Variants in KCNMB4 observed in about 807,000 individuals in gnomAD.
KCNMB4 encodes the protein calcium-activated potassium channel subunit beta-4.
A neutral mutation model predicts 20.7 loss-of-function variants in KCNMB4; 3 were observed. The ratio of observed to expected loss-of-function variants is 0.14; its 90% CI spans 0.07 to 0.37. The LOEUF (loss-of-function observed/expected upper bound fraction) is 0.37. Among genes scored for constraint, KCNMB4 ranks in the 10% least tolerant of loss-of-function variants. The pLI is 1.00. For missense variants in KCNMB4, 168 were observed against 265.9 expected (o/e 0.63, Z 2.56); for synonymous variants, 110 against 113.4 (o/e 0.97, Z 0.19).
At chr12:70,386,215 G>A (rs1868254997) in intron 1 of KCNMB4, among the ~76,000 whole-genome samples, 1 of 152,088 alleles carries the variant, frequency 6.6e-6, no homozygotes, top group Non-Finnish European at 1.5e-5. Context: ...CATCTTGTAA[G>A]TCTGAGGCAT....
In KCNMB4 at chr12:70,430,665, G is replaced by A. The variant is rs747205444; in HGVS notation, c.*12G>A. On this transcript the variant is annotated 3_prime_UTR_variant, in exon 3 of 3. Coordinates refer to ENST00000258111, the MANE Select transcript of KCNMB4 (RefSeq NM_014505.6). Reference sequence around the variant, plus strand: ...GCAAGTTCTCTTAAAGGGGAAGGAGGCTTGTAGAAAGCAAAGTACAGAAGC... The same window carrying A: ...GCAAGTTCTCTTAAAGGGGAAGGAGACTTGTAGAAAGCAAAGTACAGAAGC... 2.5e-6 allele frequency: 4 copies of A among 1,597,566 alleles called. No homozygotes were observed. The highest frequency in any genetic ancestry group is 3.4e-6 in the Non-Finnish European group (4 of 1,175,380).
intron 1 of KCNMB4, among the ~76,000 whole-genome samples, chr12:70,382,718 A>G (rs1593325529): frequency 1.3e-5 from 2 of 152,322 alleles, no homozygotes. Context: ...AAGTCAACAT[A>G]TGAAGTACTC....
intron 1 of KCNMB4, among the ~76,000 whole-genome samples, chr12:70,388,362 C>T (rs961661984): frequency 7.2e-5 from 11 of 151,960 alleles, no homozygotes; most frequent in African/African-American, 1.7e-4. Context: ...ATTGCTGAAT[C>T]GGATGGTAGC....
chr12:70,372,957 A>G lies in KCNMB4; in HGVS notation c.336+5887A>G, dbSNP rs1218859487. Among the ~76,000 whole-genome samples the G allele has an allele frequency of 2.0e-5, 3 of 152,314 alleles. No homozygotes were observed. In the East Asian group the frequency reaches 5.8e-4, roughly 29 times the overall value. On this transcript the variant is annotated intron_variant, in intron 1 of 2. Transcript: ENST00000258111. ...CAGGGTGGAATGAAGAGAACATCAAAGAAGATAAAATGCAAGAAACAAAGC... is the reference window on the plus strand; with the variant it reads ...CAGGGTGGAATGAAGAGAACATCAAGGAAGATAAAATGCAAGAAACAAAGC...
At chr12:70,387,079 G>A (rs1054525566) in intron 1 of KCNMB4, among the ~76,000 whole-genome samples, 1 of 145,856 alleles carries the variant, frequency 6.9e-6, no homozygotes, top group East Asian at 2.2e-4. Flanking sequence ...TTTTTACGTT[G>A]TGTGTCTATT....
In KCNMB4 at chr12:70,416,886, A is replaced by T. The variant is rs978405918; in HGVS notation, c.465-13599A>T. Reference sequence around the variant, plus strand: ...ATATAAGCTGCTAATTATTTAATTTAAAAAAACCGGTGTGTAATACACTTT... The same window carrying T: ...ATATAAGCTGCTAATTATTTAATTTTAAAAAACCGGTGTGTAATACACTTT... On this transcript the variant is annotated intron_variant, in intron 2 of 2. Transcript: ENST00000258111. Among the ~76,000 whole-genome samples, 11 of 152,200 alleles carry T rather than the reference A, an allele frequency of 7.2e-5. No homozygotes were observed. In the South Asian group the frequency reaches 1.2e-3, roughly 17 times the overall value.
At chr12:70,376,151 T>TAA (rs72152386) in intron 1 of KCNMB4, among the ~76,000 whole-genome samples, 6 of 142,474 alleles carry the variant, frequency 4.2e-5, no homozygotes, top group Admixed American at 6.9e-5. Context: ...CCTTTCATGA[T>TAA]AAAAAAAAAA....
chr12:70,418,694 A>T (rs965158060), intron 2 of KCNMB4, among the ~76,000 whole-genome samples: 5 of 152,124 alleles, frequency 3.3e-5, no homozygotes, highest in Non-Finnish European at 7.3e-5. Context: ...CTCCTTTTAA[A>T]TGCCATATTT....
intron 2 of KCNMB4, among the ~76,000 whole-genome samples, chr12:70,413,217 A>AT (rs1868829823): frequency 6.6e-6 from 1 of 152,222 alleles, no homozygotes; most frequent in African/African-American, 2.4e-5. Context: ...TAAAATCTAC[A>AT]TTTGAGAGTC....
chr12:70,387,205 C>CA (rs1434339655), intron 1 of KCNMB4, among the ~76,000 whole-genome samples: 3 of 150,704 alleles, frequency 2.0e-5, no homozygotes, highest in Non-Finnish European at 4.5e-5. Context: ...ATCATTCCGA[C>CA]AGCTGTGTGT....
In KCNMB4 at chr12:70,397,125, G is replaced by A. The variant is rs183701880; in HGVS notation, c.337-3084G>A. On this transcript the variant is annotated intron_variant, in intron 1 of 2. Coordinates refer to ENST00000258111, the MANE Select transcript of KCNMB4 (RefSeq NM_014505.6). Reference sequence around the variant, plus strand: ...GTAACCCCAGCACTCTTAGAGGCCAGGGTGGGACAATTGAGCCCAGGAGTT... The same window carrying A: ...GTAACCCCAGCACTCTTAGAGGCCAAGGTGGGACAATTGAGCCCAGGAGTT... Among the ~76,000 whole-genome samples, 20 of 152,282 alleles carry A rather than the reference G, an allele frequency of 1.3e-4. No individual in the cohort carries two copies. In the East Asian group the frequency reaches 2.9e-3, roughly 22 times the overall value.
chr12:70,423,850 T>C (rs966262868), intron 2 of KCNMB4, among the ~76,000 whole-genome samples: 2 of 152,316 alleles, frequency 1.3e-5, no homozygotes, highest in African/African-American at 2.4e-5. Context: ...CTCATGATAC[T>C]GTAGGGGACA....
intron 2 of KCNMB4, among the ~76,000 whole-genome samples, chr12:70,425,535 C>T (rs1869189423): frequency 6.6e-6 from 1 of 152,230 alleles, no homozygotes; most frequent in Admixed American, 6.5e-5. Context: ...AAACCTATGA[C>T]ATAGGCACCT....
intron 1 of KCNMB4, among the ~76,000 whole-genome samples, chr12:70,390,563 G>A (rs1397557794): frequency 6.6e-6 from 1 of 151,174 alleles, no homozygotes; most frequent in Non-Finnish European, 1.5e-5. Flanking sequence ...ACTCTTGTTT[G>A]TTATTGAAGC....
intron 2 of KCNMB4, among the ~76,000 whole-genome samples, chr12:70,420,945 C>CTACTT (rs35327766): frequency 2.9e-5 from 2 of 69,044 alleles, no homozygotes; most frequent in Admixed American, 1.5e-4. Context: ...GTAGTCCCAG[C>CTACTT]GGGAGGCTGA....
intron 2 of KCNMB4, among the ~76,000 whole-genome samples, chr12:70,404,245 G>GT (rs879865783): frequency 1.7e-3 from 242 of 146,404 alleles, no homozygotes; most frequent in Admixed American, 1.8e-3. Flanking sequence ...TTTGTCAAAA[G>GT]TTTTTTTTTT....
chr12:70,398,029 A>G (rs1182135641), intron 1 of KCNMB4, among the ~76,000 whole-genome samples: 1 of 152,216 alleles, frequency 6.6e-6, no homozygotes, highest in Non-Finnish European at 1.5e-5. Flanking sequence ...GAAACAAAAT[A>G]TCCAACACCT....
chr12:70,369,568 C>T (rs1197304850), intron 1 of KCNMB4, among the ~76,000 whole-genome samples: 1 of 152,170 alleles, frequency 6.6e-6, no homozygotes, highest in Non-Finnish European at 1.5e-5. Context: ...GACCCACCAA[C>T]ACAAGAAACC....
chr12:70,383,513 TACTACAAACG>T (rs1883831997), intron 1 of KCNMB4, among the ~76,000 whole-genome samples: 1 of 152,144 alleles, frequency 6.6e-6, no homozygotes, highest in South Asian at 2.1e-4. Flanking sequence ...CATAACAAAG[TACTACAAACG>T]AGGTTGCTTA....
Sources: gnomAD v4.1 joint callset for allele counts (sites outside exome capture counted in the v4.1 genomes callset) on GRCh38, gnomAD v4.1.1 for gene constraint, MANE v1.5 for transcripts, NCBI Gene and HGNC (gene_info 2026-07-23, HGNC 2026-07-21) for gene names.